Variants in TRPM1 observed in about 807,000 individuals in gnomAD.
The protein encoded by TRPM1 is transient receptor potential cation channel subfamily M member 1.
Under a neutral mutation model 149.4 loss-of-function variants are expected in TRPM1, and 113 were observed. That is an observed-to-expected ratio of 0.76 (90% CI 0.65 to 0.88). The LOEUF (loss-of-function observed/expected upper bound fraction) is 0.88. TRPM1 is among the 40% of genes least tolerant of loss of function. The pLI, the probability that TRPM1 is intolerant of heterozygous loss-of-function variation, is 0.00. For missense variants in TRPM1, 1,976 were observed against 2,038.7 expected (o/e 0.97, Z 0.59); for synonymous variants, 741 against 759.5 (o/e 0.98, Z 0.40).
chr15:31,144,578 AT>A, intron 1 of TRPM1, among the ~76,000 whole-genome samples: 1 of 149,312 alleles, frequency 6.7e-6, no homozygotes, highest in Non-Finnish European at 1.5e-5. Flanking sequence ...GACTAAATTT[AT>A]TTTGCAAACA....
chr15:31,088,915 T>C (rs757708914), intron 1 of TRPM1, among the ~76,000 whole-genome samples: 7 of 152,094 alleles, frequency 4.6e-5, no homozygotes, highest in Non-Finnish European at 8.8e-5. Flanking sequence ...ACCAGAAGTC[T>C]GGTGGCAGAA....
At chr15:31,126,512 G>A (rs1194957507) in intron 1 of TRPM1, among the ~76,000 whole-genome samples, 1 of 152,204 alleles carries the variant, frequency 6.6e-6, no homozygotes, top group Non-Finnish European at 1.5e-5. Flanking sequence ...AGGGTTAGAA[G>A]TACCTATGGT....
chr15:31,036,749 C>T (rs1023601684), intron 20 of TRPM1, among the ~76,000 whole-genome samples: 3 of 152,190 alleles, frequency 2.0e-5, no homozygotes, highest in African/African-American at 4.8e-5. Context: ...ATGGTTCTAA[C>T]CAGAATCGAT....
intron 1 of TRPM1, among the ~76,000 whole-genome samples, chr15:31,148,906 C>T (rs1235097315): frequency 6.6e-6 from 1 of 152,158 alleles, no homozygotes; most frequent in East Asian, 1.9e-4. Context: ...CCAGGGTGGG[C>T]ACCAGGTCTC....
chr15:31,132,044 G>C (rs2036023038), intron 1 of TRPM1, among the ~76,000 whole-genome samples: 1 of 152,190 alleles, frequency 6.6e-6, no homozygotes, highest in Non-Finnish European at 1.5e-5. Context: ...TCACATAAAA[G>C]CAGATATTGA....
At chr15:31,090,523 G>C (rs1041285586) in intron 1 of TRPM1, among the ~76,000 whole-genome samples, 6 of 152,044 alleles carry the variant, frequency 3.9e-5, no homozygotes, top group African/African-American at 1.4e-4. Flanking sequence ...TGTAATCCCA[G>C]CTACTCGGGA....
chr15:31,020,718 T>C (rs1406960689), intron 27 of TRPM1, among the ~76,000 whole-genome samples: 1 of 152,210 alleles, frequency 6.6e-6, no homozygotes, highest in Non-Finnish European at 1.5e-5. Flanking sequence ...TCATTAGTAA[T>C]GCTCTGACCT....
intron 16 of TRPM1, 97 bp downstream of exon 16, chr15:31,046,107 G>T: frequency 8.6e-7 from 1 of 1,157,710 alleles, no homozygotes; most frequent in Non-Finnish European, 1.3e-6. Context: ...GGTAAATTTT[G>T]GTGAGTAGTA....
In TRPM1 at chr15:31,001,241, T is replaced by C. The variant is rs918077299; in HGVS notation, c.*581A>G. ...CATATTTGTGGCTCCTTCCCACTTA[T>C]TGTGCCTCACAATTTTATTTTTCTT... On this transcript the variant is annotated 3_prime_UTR_variant, in exon 28 of 28. Coordinates refer to ENST00000256552, the MANE Select transcript of TRPM1 (RefSeq NM_001252024.2). 1 of 152,338 alleles carries C rather than the reference T, an allele frequency of 6.6e-6. No individual in the cohort carries two copies. The highest frequency in any genetic ancestry group is 1.5e-5 in the Non-Finnish European group (1 of 68,144). The allele number at this position is 152,338 out of a possible 1,614,324, so 9.4% of individuals were successfully genotyped here. A position where few individuals can be genotyped will look rare whatever the true frequency, so the allele number is the denominator to read the frequency against.
In TRPM1 at chr15:31,026,912, TACTC is replaced by T; in HGVS notation, c.3495_3496+2del. 1 of 1,613,454 alleles carries T rather than the reference TACTC, an allele frequency of 6.2e-7. No homozygotes were observed. The highest frequency in any genetic ancestry group is 1.1e-5 in the South Asian group (1 of 91,056). ...ACTTAGAAATGAAGAGCCCTGCACA[TACTC>T]AATCCACGATCCCGTTCCTCTTGGT... On this transcript the variant is annotated splice_donor_variant and coding_sequence_variant, in exon 26 of 28. Transcript: ENST00000256552. LOFTEE classifies it high-confidence loss of function.
chr15:31,063,260 C>T lies in TRPM1; in HGVS notation c.823G>A (p.Val275Met), dbSNP rs202031791. 3.7e-4 allele frequency: 593 copies of T among 1,614,168 alleles called. No homozygotes were observed. Among genetic ancestry groups the T allele is most frequent in the African/African-American group, 1.2e-3 (88 of 75,030 alleles). Residue 275 changes from valine to methionine, a missense_variant, in exon 8 of 28, where the codon GTG (valine) becomes ATG (methionine). Coordinates refer to ENST00000256552, the MANE Select transcript of TRPM1 (RefSeq NM_001252024.2). ...ACCACGTTAGGGCCCCCCTCCACCA[C>T]GAGACCCACGAGGGGCACGCCCTGC... is the stretch of plus-strand genomic sequence containing the variant. ...LGQGVPLVGL[V>M]VEGGPNVVSI...
intron 4 of TRPM1, chr15:31,069,459 G>A (rs1025177224): frequency 9.7e-7 from 1 of 1,027,778 alleles, no homozygotes; most frequent in Non-Finnish European, 1.2e-6. Context: ...ATTGCAAAAA[G>A]TCTGTGACTG....
At chr15:31,074,341 A>G (rs139837841) in intron 3 of TRPM1, among the ~76,000 whole-genome samples, 96 of 152,110 alleles carry the variant, frequency 6.3e-4, no homozygotes, top group African/African-American at 2.2e-3. Context: ...TTTTCTTTGG[A>G]CAGTTTTTTT....
intron 21 of TRPM1, 125 bp downstream of exon 21, chr15:31,035,421 C>T: frequency 7.2e-7 from 1 of 1,387,992 alleles, no homozygotes; most frequent in Non-Finnish European, 1.0e-6. Context: ...GCTGGGATTA[C>T]AGGCATGAGC....
chr15:31,102,845 C>A (rs551023003), upstream of TRPM1, among the ~76,000 whole-genome samples: 6 of 152,246 alleles, frequency 3.9e-5, no homozygotes, highest in Admixed American at 6.5e-5. Context: ...CGCGCACAGC[C>A]CCTGGGCGCA....
upstream of TRPM1, among the ~76,000 whole-genome samples, chr15:31,106,594 T>C (rs1381089070): frequency 6.6e-6 from 1 of 152,228 alleles, no homozygotes; most frequent in Non-Finnish European, 1.5e-5. Flanking sequence ...TCTCCACTTT[T>C]CTTGGAGGTG....
At chr15:31,096,024 T>C (rs1002617828) in intron 1 of TRPM1, among the ~76,000 whole-genome samples, 7 of 150,008 alleles carry the variant, frequency 4.7e-5, no homozygotes, top group Non-Finnish European at 1.0e-4. Flanking sequence ...TCAGCCTAGG[T>C]GACAAGAGCA....
chr15:31,022,572 C>T (rs1183707584), intron 27 of TRPM1, among the ~76,000 whole-genome samples: 1 of 152,250 alleles, frequency 6.6e-6, no homozygotes, highest in Non-Finnish European at 1.5e-5. Context: ...CCAACACCAA[C>T]ACTTGTTATC....
chr15:31,062,548 G>A (rs777196490), intron 9 of TRPM1, 31 bp downstream of exon 9: 1 of 1,613,288 alleles, frequency 6.2e-7, no homozygotes, highest in African/African-American at 1.3e-5. Flanking sequence ...TCTCCACAGA[G>A]CTTGTTTGGA....
Sources: gnomAD v4.1 joint callset for allele counts (sites outside exome capture counted in the v4.1 genomes callset) on GRCh38, gnomAD v4.1.1 for gene constraint, MANE v1.5 for transcripts, NCBI Gene and HGNC (gene_info 2026-07-23, HGNC 2026-07-21) for gene names.